FRMPD4: variants seen among roughly 807,000 people sequenced by gnomAD.
FRMPD4 encodes the protein FERM and PDZ domain containing 4.
FRMPD4 carries 22 observed loss-of-function variants against 94.1 expected under a neutral mutation model. The observed-to-expected ratio is 0.23, with a 90% confidence interval of 0.17 to 0.33. FRMPD4 has a LOEUF of 0.33. Ranked by LOEUF, FRMPD4 falls within the 10% of genes least tolerant of loss-of-function variation. FRMPD4 has a pLI of 1.00. For synonymous variants in FRMPD4, 631 were observed against 548.6 expected, an observed-to-expected ratio of 1.15 and a Z score of -2.10; for missense variants, 1,111 against 1,339.9, an observed-to-expected ratio of 0.83 and a Z score of 2.67.
chrX:12,661,913 G>T (rs1161173573), intron 4 of FRMPD4, among the ~76,000 whole-genome samples: 1 of 112,203 alleles, frequency 8.9e-6, no homozygotes, highest in African/African-American at 3.2e-5. Flanking sequence ...ATCTTTGCCA[G>T]CAATTGACTA....
At chrX:12,622,007 AAAGAAAGAAAGG>A (rs2059299163) in intron 4 of FRMPD4, among the ~76,000 whole-genome samples, 3 of 46,524 alleles carry the variant, frequency 6.4e-5, no homozygotes, top group Admixed American at 2.5e-4. Context: ...AGAAAGAAAG[AAAGAAAGAAAGG>A]AAGGAAGGAA....
At chrX:12,031,001 C>A (rs1242185326) in intron 3 of FRMPD4, among the ~76,000 whole-genome samples, 1 of 112,033 alleles carries the variant, frequency 8.9e-6, no homozygotes. Flanking sequence ...ACACATGTAA[C>A]AAATGCTAAC....
chrX:12,303,382 G>T (rs753312048), intron 1 of FRMPD4, among the ~76,000 whole-genome samples: 6 of 111,794 alleles, frequency 5.4e-5, no homozygotes, highest in Admixed American at 9.5e-5. Context: ...TTATAATAAT[G>T]ATGACCTTAA....
At chrX:12,463,774 G>A (rs1422258227) in intron 1 of FRMPD4, among the ~76,000 whole-genome samples, 2 of 103,297 alleles carry the variant, frequency 1.9e-5, no homozygotes, top group Non-Finnish European at 3.9e-5. Context: ...CCAGGAAGCA[G>A]GGGTAAGGAA....
chrX:11,930,696 T>C (rs2054118117), intron 3 of FRMPD4, among the ~76,000 whole-genome samples: 1 of 111,845 alleles, frequency 8.9e-6, no homozygotes, highest in African/African-American at 3.2e-5. Context: ...CATGAAGATT[T>C]GATGAATCTG....
intron 4 of FRMPD4, among the ~76,000 whole-genome samples, chrX:12,670,949 A>G (rs2059834899): frequency 1.8e-5 from 2 of 112,812 alleles, no homozygotes; most frequent in South Asian, 7.3e-4. Flanking sequence ...AACACTTCTC[A>G]AAAGAAGATA....
chrX:12,389,470 T>A (rs1342536846), intron 1 of FRMPD4, among the ~76,000 whole-genome samples: 1 of 93,284 alleles, frequency 1.1e-5, no homozygotes, highest in Middle Eastern at 5.1e-3. Flanking sequence ...AAGAGATCCA[T>A]CTCAAAAAAA....
chrX:12,439,695 A>G (rs2057113010), intron 1 of FRMPD4, among the ~76,000 whole-genome samples: 1 of 112,250 alleles, frequency 8.9e-6, no homozygotes. Context: ...GGCAAGGGAA[A>G]TGGGTGACTT....
At chrX:12,167,179 C>T (rs368292405) in intron 1 of FRMPD4, among the ~76,000 whole-genome samples, 89 of 111,651 alleles carry the variant, frequency 8.0e-4, no homozygotes, top group African/African-American at 2.7e-3. Flanking sequence ...TGCTTTCTCT[C>T]GTGGGCATTT....
intron 1 of FRMPD4, among the ~76,000 whole-genome samples, chrX:12,447,774 G>A (rs921470595): frequency 6.3e-5 from 7 of 111,975 alleles, no homozygotes; most frequent in Non-Finnish European, 9.4e-5. Flanking sequence ...CATGACACAT[G>A]GGGCCACTGC....
intron 3 of FRMPD4, among the ~76,000 whole-genome samples, chrX:12,125,004 C>T (rs1348597470): frequency 8.9e-6 from 1 of 112,290 alleles, no homozygotes. Context: ...TTTTCATCCT[C>T]GTTTCCGTTG....
rs192753351 is a variant in FRMPD4, at chrX:12,076,106, G to C, written c.95+198088G>C. On this transcript the variant is annotated intron_variant, in intron 3 of 18. Transcript: ENST00000640291. ...GCCCTGAATGAGGAATAGACACTTG[G>C]GGTAGAGAACGAAGAACATTTCTCA... is the stretch of plus-strand genomic sequence containing the variant. 2.7e-5 allele frequency among the ~76,000 whole-genome samples: 3 copies of C among 111,531 alleles called. No individual in the cohort carries two copies. In the Admixed American group the frequency reaches 2.9e-4, roughly 11 times the overall value.
chrX:12,452,957 T>TATC (rs2057290170), intron 1 of FRMPD4, among the ~76,000 whole-genome samples: 1 of 112,146 alleles, frequency 8.9e-6, no homozygotes, highest in African/African-American at 3.2e-5. Context: ...TGGATATAAT[T>TATC]ATCTCTACTT....
chrX:11,890,500 G>A (rs2053868249), intron 3 of FRMPD4, among the ~76,000 whole-genome samples: 1 of 112,309 alleles, frequency 8.9e-6, no homozygotes, highest in Non-Finnish European at 1.9e-5. Flanking sequence ...ATTCAGCATG[G>A]AAAAGGCTTT....
In FRMPD4 at chrX:12,724,211, G is replaced by T. The variant is rs192900814; in HGVS notation, c.*2353G>T. ...TAGAACAACTTCCCAGTCCATTGGA[G>T]TTCTTTGAGAAGCCTCAGGGAAGTA... is the stretch of plus-strand genomic sequence containing the variant. On this transcript the variant is annotated 3_prime_UTR_variant, in exon 17 of 17. Transcript: ENST00000675598. The T allele has an allele frequency of 9.0e-5, 10 of 111,688 alleles. No homozygotes were observed. Among genetic ancestry groups the T allele is most frequent in the African/African-American group, 2.9e-4 (9 of 30,786 alleles). 9.2% of individuals were successfully genotyped at this position (111,688 alleles called of 1,213,427 possible).
intron 2 of FRMPD4, among the ~76,000 whole-genome samples, chrX:11,874,102 T>C (rs1385184983): frequency 8.9e-6 from 1 of 112,108 alleles, no homozygotes; most frequent in Non-Finnish European, 1.9e-5. Flanking sequence ...CATGTGAACA[T>C]ATAAATACCT....
At chrX:11,959,258 G>A (rs1398683641) in intron 3 of FRMPD4, among the ~76,000 whole-genome samples, 6 of 112,155 alleles carry the variant, frequency 5.3e-5, no homozygotes, top group Admixed American at 4.7e-4. Context: ...ACTGGGAAGT[G>A]TAGCCTCTGG....
intron 1 of FRMPD4, among the ~76,000 whole-genome samples, chrX:12,434,334 T>A (rs2057040723): frequency 1.8e-5 from 2 of 111,556 alleles, no homozygotes; most frequent in African/African-American, 6.6e-5. Flanking sequence ...ATTCATGGGT[T>A]AAGCCTACGC....
At chrX:12,605,183 AT>A (rs1411863059) in intron 2 of FRMPD4, among the ~76,000 whole-genome samples, 1 of 112,246 alleles carries the variant, frequency 8.9e-6, no homozygotes, top group Non-Finnish European at 1.9e-5. Flanking sequence ...GCACCTGGGC[AT>A]TTATTTGTTT....
Sources: gnomAD v4.1 joint callset for allele counts (sites outside exome capture counted in the v4.1 genomes callset) on GRCh38, gnomAD v4.1.1 for gene constraint, MANE v1.5 for transcripts, NCBI Gene and HGNC (gene_info 2026-07-23, HGNC 2026-07-21) for gene names.